Variants in ADGRV1 observed in about 807,000 individuals in gnomAD.
ADGRV1 encodes adhesion G protein-coupled receptor V1.
A neutral mutation model predicts 596.2 loss-of-function variants in ADGRV1; 359 were observed. The ratio of observed to expected loss-of-function variants is 0.60; its 90% CI spans 0.55 to 0.66. The LOEUF (loss-of-function observed/expected upper bound fraction) is 0.66, where lower values mean the gene tolerates loss of function less well. Among genes scored for constraint, ADGRV1 ranks in the 30% least tolerant of loss-of-function variants. The pLI is 0.00. For missense variants in ADGRV1, 7,274 were observed against 7,575.6 expected, an observed-to-expected ratio of 0.96 and a Z score of 1.48; for synonymous variants, 2,681 against 2,679.2, an observed-to-expected ratio of 1.00 and a Z score of -0.02.
At chr5:91,080,853 A>G (rs866855058) in intron 86 of ADGRV1, among the ~76,000 whole-genome samples, 1 of 152,152 alleles carries the variant, frequency 6.6e-6, no homozygotes, top group Non-Finnish European at 1.5e-5. Context: ...ATGTGTTAGT[A>G]TTTTTATTAG....
chr5:90,694,394 C>T lies in ADGRV1; in HGVS notation c.7638C>T (p.His2546=). 6.2e-7 allele frequency: 1 copy of T among 1,613,974 alleles called. No individual in the cohort carries two copies. The highest frequency in any genetic ancestry group is 8.5e-7 in the Non-Finnish European group (1 of 1,179,866). Residue 2546 remains histidine (H), a synonymous_variant, in exon 33 of 90, where the codon CAC becomes CAT. Transcript: ENST00000405460. ...TTCTAATTTCTCTCCTTGAAGTTCA[C>T]CTCATGAACATTTCAGCCAGTTTGA... ...ESFLISLLEV[H]LMNISASLKN...
At chr5:90,954,309 G>C (rs16869260) in intron 83 of ADGRV1, among the ~76,000 whole-genome samples, 46 of 151,858 alleles carry the variant, frequency 3.0e-4, no homozygotes, top group African/African-American at 1.1e-3. Flanking sequence ...TGTTGGATCT[G>C]TATGGGTTAG....
At chr5:91,099,183 TATAA>T (rs779052459) in intron 86 of ADGRV1, among the ~76,000 whole-genome samples, 20 of 152,198 alleles carry the variant, frequency 1.3e-4, no homozygotes, top group Non-Finnish European at 2.2e-4. Context: ...CCTGTACAGT[TATAA>T]TAATAATTTT....
intron 76 of ADGRV1, among the ~76,000 whole-genome samples, chr5:90,824,589 T>C (rs1763910536): frequency 1.3e-5 from 2 of 152,202 alleles, no homozygotes; most frequent in Admixed American, 1.3e-4. Context: ...CTACTAAAAC[T>C]TTCTGTCACA....
At chr5:90,838,847 G>A (rs548616995) in intron 77 of ADGRV1, among the ~76,000 whole-genome samples, 2 of 152,014 alleles carry the variant, frequency 1.3e-5, no homozygotes, top group South Asian at 2.1e-4. Context: ...TTGATATAGC[G>A]AGACCCTCAT....
intron 85 of ADGRV1, among the ~76,000 whole-genome samples, chr5:91,040,337 C>T (rs1312480782): frequency 6.6e-6 from 1 of 152,118 alleles, no homozygotes; most frequent in Non-Finnish European, 1.5e-5. Flanking sequence ...AGTTCCTTCT[C>T]ATATGTTTGG....
intron 87 of ADGRV1, among the ~76,000 whole-genome samples, chr5:91,124,328 T>A (rs1793571242): frequency 6.6e-6 from 1 of 152,210 alleles, no homozygotes; most frequent in Non-Finnish European, 1.5e-5. Flanking sequence ...TATATTTGAA[T>A]TTATCTCTCC....
chr5:90,635,564 C>A (rs189158438), intron 10 of ADGRV1, among the ~76,000 whole-genome samples: 1 of 151,462 alleles, frequency 6.6e-6, no homozygotes. Flanking sequence ...CTATGACATT[C>A]GATACTACAG....
intron 6 of ADGRV1, 22 bp downstream of exon 6, chr5:90,625,265 A>T: frequency 7.0e-7 from 1 of 1,430,042 alleles, no homozygotes; most frequent in Non-Finnish European, 9.8e-7. Context: ...TTACATACCC[A>T]AATGGGACAA....
intron 83 of ADGRV1, among the ~76,000 whole-genome samples, chr5:90,866,528 C>A (rs2150474184): frequency 6.6e-6 from 1 of 152,066 alleles, no homozygotes; most frequent in East Asian, 1.9e-4. Flanking sequence ...TCTCTTTAGC[C>A]ATGATGGCGT....
At chr5:90,795,999 G>A (rs2438364) in intron 70 of ADGRV1, among the ~76,000 whole-genome samples, 89,368 of 151,980 alleles carry the variant, frequency 0.59, 28,557 homozygotes, top group African/African-American at 0.86. Context: ...CCAAAGGTAG[G>A]TAAATCCACA....
intron 85 of ADGRV1, among the ~76,000 whole-genome samples, chr5:91,035,861 T>TATATATATATAATATATATATATATATA: frequency 1.0e-5 from 1 of 96,402 alleles, no homozygotes; most frequent in Non-Finnish European, 2.2e-5. Context: ...TATATATATA[T>TATATATATATAATATATATATATATATA]TATATATATA....
chr5:90,860,831 A>G (rs532191994), intron 82 of ADGRV1, among the ~76,000 whole-genome samples: 1 of 152,254 alleles, frequency 6.6e-6, no homozygotes, highest in Non-Finnish European at 1.5e-5. Flanking sequence ...AGATAAACAA[A>G]TAATTTGTAA....
At chr5:91,062,460 C>T (rs557673534) in intron 85 of ADGRV1, among the ~76,000 whole-genome samples, 10 of 152,260 alleles carry the variant, frequency 6.6e-5, no homozygotes, top group Middle Eastern at 3.4e-3. Flanking sequence ...CAGGGGTCCC[C>T]CTTTCCAGAA....
At chr5:90,598,882 G>A (rs73179747) in intron 1 of ADGRV1, among the ~76,000 whole-genome samples, 2,882 of 152,206 alleles carry the variant, frequency 0.019, 82 homozygotes, top group African/African-American at 0.065. Context: ...AATAATCTTC[G>A]TTACATCACA....
At chr5:90,687,654 T>C (rs1745863966) in intron 29 of ADGRV1, among the ~76,000 whole-genome samples, 2 of 152,146 alleles carry the variant, frequency 1.3e-5, no homozygotes, top group African/African-American at 4.8e-5. Context: ...AAAATCCCAT[T>C]GTCTCAGCGC....
chr5:90,599,965 A>T (rs924381198), intron 1 of ADGRV1, among the ~76,000 whole-genome samples: 1 of 152,186 alleles, frequency 6.6e-6, no homozygotes, highest in African/African-American at 2.4e-5. Context: ...GGCCCTGTGG[A>T]AAATTGTTAA....
intron 85 of ADGRV1, among the ~76,000 whole-genome samples, chr5:91,018,072 A>G (rs1413465393): frequency 1.3e-5 from 2 of 152,008 alleles, no homozygotes; most frequent in Non-Finnish European, 2.9e-5. Context: ...TGGATCTTCT[A>G]TATTCACTTA....
rs1045626564 is a variant in ADGRV1, at chr5:90,881,069, T to C, written c.17856+17212T>C. Among the ~76,000 whole-genome samples the C allele has an allele frequency of 4.6e-5, 7 of 152,176 alleles. No individual in the cohort carries two copies. The East Asian group carries it at 1.2e-3, about 25-fold the overall frequency. On this transcript the variant is annotated intron_variant, in intron 83 of 89. Coordinates refer to ENST00000405460, the MANE Select transcript of ADGRV1 (RefSeq NM_032119.4). ...TTCATACCTGGATAATGTTTTGGAG[T>C]ACATTTTAATAAAACCAGATCATGA...
Sources: gnomAD v4.1 joint callset for allele counts (sites outside exome capture counted in the v4.1 genomes callset) on GRCh38, gnomAD v4.1.1 for gene constraint, MANE v1.5 for transcripts, NCBI Gene and HGNC (gene_info 2026-07-23, HGNC 2026-07-21) for gene names.